SPRY3: variants seen among roughly 807,000 people sequenced by gnomAD.
SPRY3 encodes the protein sprouty RTK signaling antagonist 3.
Under a neutral mutation model 20.2 loss-of-function variants are expected in SPRY3, and 15 were observed. The ratio of observed to expected loss-of-function variants is 0.74; its 90% CI spans 0.50 to 1.14. The LOEUF (loss-of-function observed/expected upper bound fraction) is 1.14. Among genes scored for constraint, SPRY3 ranks in the 50% most tolerant of loss-of-function variants. SPRY3 has a pLI of 0.00. For synonymous variants in SPRY3, 143 were observed against 136.5 expected (o/e 1.05, Z -0.33); for missense variants, 364 against 363.9 (o/e 1.00, Z 0.00).
chrX:155,625,023 A>G (rs2067883845), intron 1 of SPRY3, among the ~76,000 whole-genome samples: 2 of 112,020 alleles, frequency 1.8e-5, no homozygotes, highest in Non-Finnish European at 3.8e-5. Context: ...TCACTAAACT[A>G]TAAAAGGAAA....
In SPRY3 at chrX:155,762,105, C is replaced by T. The variant is rs2091306431; in HGVS notation, c.-281-5857C>T. ...CAAATTCAACACTTCTAAAGAATAA[C>T]TCAAAGATCTCATTATCTTCCCTAT... On this transcript the variant is annotated intron_variant, in intron 2 of 3. Transcript: ENST00000675360. Among the ~76,000 whole-genome samples, 2 of 152,084 alleles carry T rather than the reference C, an allele frequency of 1.3e-5. 1 individual carries two copies. The highest frequency in any genetic ancestry group is 4.2e-4 in the South Asian group (2 of 4,810).
At chrX:155,631,662 T>C (rs189019224) in intron 1 of SPRY3, among the ~76,000 whole-genome samples, 295 of 112,681 alleles carry the variant, frequency 2.6e-3, no homozygotes, top group African/African-American at 9.1e-3. Flanking sequence ...TTTTGAATAA[T>C]CTTTCTTCAA....
intron 2 of SPRY3, among the ~76,000 whole-genome samples, chrX:155,716,952 G>A (rs9650967): frequency 0.027 from 3,570 of 131,890 alleles, 68 homozygotes; most frequent in Non-Finnish European, 0.04. Flanking sequence ...TGGGCAACAC[G>A]GTGAAACCCT....
At chrX:155,767,229 G>T (rs1038101085) in intron 2 of SPRY3, among the ~76,000 whole-genome samples, 2 of 151,884 alleles carry the variant, frequency 1.3e-5, no homozygotes, top group African/African-American at 4.8e-5. Context: ...CACGCGGGGG[G>T]AGGGGGGAGA....
chrX:155,672,401 A>G (rs374599649), intron 2 of SPRY3, among the ~76,000 whole-genome samples: 1 of 111,053 alleles, frequency 9.0e-6, no homozygotes, highest in African/African-American at 3.3e-5. Context: ...AAAAGTGGGC[A>G]AAGGATATGA....
intron 1 of SPRY3, among the ~76,000 whole-genome samples, chrX:155,630,912 T>C (rs2067904209): frequency 9.0e-6 from 1 of 111,447 alleles, no homozygotes; most frequent in Non-Finnish European, 1.9e-5. Flanking sequence ...TTCCTTTTTA[T>C]TCCTTTTCTT....
intron 1 of SPRY3, among the ~76,000 whole-genome samples, chrX:155,641,508 A>G (rs1432848243): frequency 8.7e-6 from 1 of 115,097 alleles, no homozygotes; most frequent in Non-Finnish European, 1.9e-5. Flanking sequence ...TATTGAGCAG[A>G]GTGGCAGTAC....
At chrX:155,670,444 G>A (rs1557354655) in intron 2 of SPRY3, among the ~76,000 whole-genome samples, 1 of 111,620 alleles carries the variant, frequency 9.0e-6, no homozygotes, top group Non-Finnish European at 1.9e-5. Flanking sequence ...CCGAGTTAGT[G>A]AAGAAGAGAA....
intron 2 of SPRY3, among the ~76,000 whole-genome samples, chrX:155,724,954 T>C (rs1048543956): frequency 4.6e-5 from 7 of 152,150 alleles, no homozygotes; most frequent in Non-Finnish European, 7.3e-5. Context: ...TGGCTATGGG[T>C]TTGTCATAAA....
At chrX:155,716,981 A>AAT (rs749530944) in intron 2 of SPRY3, among the ~76,000 whole-genome samples, 5,374 of 63,142 alleles carry the variant, frequency 0.085, 365 homozygotes, top group East Asian at 0.22. Flanking sequence ...TAAAATACAA[A>AAT]ATATATATAT....
At chrX:155,714,647 G>A (rs1445281463) in intron 2 of SPRY3, among the ~76,000 whole-genome samples, 1 of 151,604 alleles carries the variant, frequency 6.6e-6, no homozygotes, top group Non-Finnish European at 1.5e-5. Context: ...CCTTACCCAA[G>A]GCCCTTCCCT....
At chrX:155,734,646 A>C (rs2091156196) in intron 2 of SPRY3, among the ~76,000 whole-genome samples, 1 of 151,080 alleles carries the variant, frequency 6.6e-6, no homozygotes. Context: ...TGAAAAAAAA[A>C]CACACACACA....
downstream of SPRY3, chrX:155,776,919 G>T (rs767147493): frequency 1.2e-5 from 2 of 166,860 alleles, no homozygotes; most frequent in African/African-American, 2.4e-5. Flanking sequence ...CTCTATTTTT[G>T]TATATATAAA....
intron 2 of SPRY3, among the ~76,000 whole-genome samples, chrX:155,725,156 C>A (rs371693533): frequency 6.6e-6 from 1 of 152,046 alleles, no homozygotes; most frequent in South Asian, 2.1e-4. Flanking sequence ...GCCTTGCATC[C>A]CAGGGATAAA....
chrX:155,767,310 T>C (rs1350182052), intron 2 of SPRY3, among the ~76,000 whole-genome samples: 2 of 151,638 alleles, frequency 1.3e-5, no homozygotes, highest in African/African-American at 2.4e-5. Context: ...TCACAAGACC[T>C]CCAGAAATCA....
chrX:155,747,106 C>T (rs1396964537), intron 2 of SPRY3, among the ~76,000 whole-genome samples: 1 of 151,898 alleles, frequency 6.6e-6, no homozygotes, highest in Non-Finnish European at 1.5e-5. Flanking sequence ...GGACGTCACA[C>T]TTAATGACTG....
At chrX:155,655,127 G>C (rs1357391636) in intron 1 of SPRY3, among the ~76,000 whole-genome samples, 2 of 111,463 alleles carry the variant, frequency 1.8e-5, no homozygotes, top group Non-Finnish European at 3.8e-5. Context: ...GTGATGTTGA[G>C]CATGATTTCA....
chrX:155,638,338 A>G (rs2067930938), intron 1 of SPRY3, among the ~76,000 whole-genome samples: 1 of 6,265 alleles, frequency 1.6e-4, no homozygotes, highest in African/African-American at 2.7e-4. Flanking sequence ...ATATATATAT[A>G]TATATATATA....
At chrX:155,768,194 A>C (rs1017501137) in intron 3 of SPRY3, 58 bp downstream of exon 2, 1 of 151,764 alleles carries the variant, frequency 6.6e-6, no homozygotes, top group Non-Finnish European at 1.5e-5. Flanking sequence ...CAATGCACAG[A>C]TTGCCATTCA....
Sources: gnomAD v4.1 joint callset for allele counts (sites outside exome capture counted in the v4.1 genomes callset) on GRCh38, gnomAD v4.1.1 for gene constraint, MANE v1.5 for transcripts, NCBI Gene and HGNC (gene_info 2026-07-23, HGNC 2026-07-21) for gene names.